CEACAM16: variants seen among roughly 807,000 people sequenced by gnomAD.
CEACAM16 encodes CEA cell adhesion molecule 16, tectorial membrane component.
CEACAM16 carries 30 observed loss-of-function variants against 39.4 expected under a neutral mutation model. The ratio of observed to expected loss-of-function variants is 0.76; its 90% CI spans 0.57 to 1.03. CEACAM16 has a LOEUF of 1.03. Ranked by LOEUF, CEACAM16 falls within the 50% of genes least tolerant of loss-of-function variation. The probability of loss-of-function intolerance (pLI) is 0.00; values close to 1 mark genes in which losing one functional copy is unlikely to be tolerated. For synonymous variants in CEACAM16, 262 were observed against 264.9 expected, an observed-to-expected ratio of 0.99 and a Z score of 0.11; for missense variants, 521 against 585.3, an observed-to-expected ratio of 0.89 and a Z score of 1.13.
Position 44,710,691 on chromosome 19 carries a change from C to T in CEACAM16, c.*185C>T, listed in dbSNP as rs1048958791. The T allele has an allele frequency of 1.4e-5, 10 of 719,186 alleles. No individual in the cohort carries two copies. Among genetic ancestry groups the T allele is most frequent in the South Asian group, 7.6e-5 (4 of 52,894 alleles). 44.6% of individuals were successfully genotyped at this position (719,186 alleles called of 1,614,324 possible). On this transcript the variant is annotated 3_prime_UTR_variant, in exon 7 of 7. Coordinates refer to ENST00000587331, the MANE Select transcript of CEACAM16 (RefSeq NM_001039213.4). ...CCTCGCTGAGCTGTTGGGGAGCCAC[C>T]GAGGCCATAAACGTCCTGGTTAATG...
At chr19:44,702,813 A>T (rs1238932361) in intron 2 of CEACAM16, among the ~76,000 whole-genome samples, 1 of 152,238 alleles carries the variant, frequency 6.6e-6, no homozygotes, top group East Asian at 1.9e-4. Context: ...GACTGTCACG[A>T]TGGGAAAACC....
At chr19:44,707,757 C>A in intron 5 of CEACAM16, 104 bp from the exon 6 acceptor site, 1 of 1,009,842 alleles carries the variant, frequency 9.9e-7, no homozygotes, top group Non-Finnish European at 1.4e-6. Flanking sequence ...CAGCACCCTA[C>A]ATGGGGAGTG....
At chr19:44,705,563 C>T (rs768905652) in intron 4 of CEACAM16, 27 bp from the exon 5 acceptor site, 2 of 1,568,440 alleles carry the variant, frequency 1.3e-6, no homozygotes, top group African/African-American at 1.3e-5. Context: ...CTCTACTGCC[C>T]CATCTATCTC....
chr19:44,701,502 G>T lies in CEACAM16; in HGVS notation c.37+9G>T, dbSNP rs1158779951. ...CTGGCTGCTCCTCAGTGGTGAGCGA[G>T]AATGGCACCCCCCAGCACCTCAGCC... On this transcript the variant is annotated intron_variant, in intron 2 of 6. Transcript: ENST00000587331. This position sits in a 1 kb window ranked among gnomAD's most constrained non-coding sequence, Gnocchi z 4.0. 1.3e-6 allele frequency: 2 copies of T among 1,562,770 alleles called. No homozygotes were observed. The highest frequency in any genetic ancestry group is 1.7e-6 in the Non-Finnish European group (2 of 1,153,050).
In CEACAM16 at chr19:44,701,074, C is replaced by T. The variant is rs1388315909; in HGVS notation, c.-96-287C>T. ...TTTCTTCCTTGGTGACTCCCAGGCTCTCTGAGGAGGCCACGGGCCTGGGTG... is the reference window on the plus strand; with the variant it reads ...TTTCTTCCTTGGTGACTCCCAGGCTTTCTGAGGAGGCCACGGGCCTGGGTG... On this transcript the variant is annotated intron_variant, in intron 1 of 6. Coordinates refer to ENST00000587331, the MANE Select transcript of CEACAM16 (RefSeq NM_001039213.4). This position sits in a 1 kb window ranked among gnomAD's most constrained non-coding sequence, Gnocchi z 4.0. Among the ~76,000 whole-genome samples the T allele has an allele frequency of 6.6e-6, 1 of 152,244 alleles. No homozygotes were observed. Among genetic ancestry groups the T allele is most frequent in the Non-Finnish European group, 1.5e-5 (1 of 68,048 alleles).
At chr19:44,709,851 A>T (rs1436374366) in intron 6 of CEACAM16, among the ~76,000 whole-genome samples, 5 of 132,080 alleles carry the variant, frequency 3.8e-5, no homozygotes, top group Non-Finnish European at 3.3e-5. Flanking sequence ...AGAGTCAGGG[A>T]CCATGTCTCC....
Position 44,701,591 on chromosome 19 carries a change from T to A in CEACAM16, c.37+98T>A. 8.3e-7 allele frequency: 1 copy of A among 1,210,050 alleles called. No homozygotes were observed. The highest frequency in any genetic ancestry group is 1.2e-6 in the Non-Finnish European group (1 of 847,398). The allele number at this position is 1,210,050 out of a possible 1,614,324, so 75.0% of individuals were successfully genotyped here. On this transcript the variant is annotated intron_variant, in intron 2 of 6. Transcript: ENST00000587331. This position sits in a 1 kb window ranked among gnomAD's most constrained non-coding sequence, Gnocchi z 4.0. Reference sequence around the variant, plus strand: ...GAGAGAGGGAAGGTGTGAGCAGAAGTCCAGCGTGCTAGGGAGGGAGGGCAG... The same window carrying A: ...GAGAGAGGGAAGGTGTGAGCAGAAGACCAGCGTGCTAGGGAGGGAGGGCAG...
chr19:44,702,217 C>T (rs1258722176), intron 2 of CEACAM16, among the ~76,000 whole-genome samples: 1 of 151,806 alleles, frequency 6.6e-6, no homozygotes, highest in East Asian at 1.9e-4. Flanking sequence ...CACTTGAATC[C>T]AGGAGGTGGA....
chr19:44,705,601 C>G lies in CEACAM16; in HGVS notation c.673C>G (p.Arg225Gly). The change falls in exon 5 of 7, where the codon CGT becomes GGT. Residue 225 changes from arginine to glycine, a missense_variant. Coordinates refer to ENST00000587331, the MANE Select transcript of CEACAM16 (RefSeq NM_001039213.4). ...INLTVYFGPE[R>G]VAILQDSTTR... ...TCCTGCCCCCACAGTTGGCCCAGAGCGTGTGGCCATCCTCCAGGATTCCAC... is the reference window on the plus strand; with the variant it reads ...TCCTGCCCCCACAGTTGGCCCAGAGGGTGTGGCCATCCTCCAGGATTCCAC... The G allele has an allele frequency of 6.2e-7, 1 of 1,602,320 alleles. No homozygotes were observed. Among genetic ancestry groups the G allele is most frequent in the Non-Finnish European group, 8.5e-7 (1 of 1,171,128 alleles).
chr19:44,701,530 C>G lies in CEACAM16; in HGVS notation c.37+37C>G. ...TGGCACCCCCCAGCACCTCAGCCCCCCGAGGACCCCAGGGAGGGGAGGGGA... is the reference window on the plus strand; with the variant it reads ...TGGCACCCCCCAGCACCTCAGCCCCGCGAGGACCCCAGGGAGGGGAGGGGA... On this transcript the variant is annotated intron_variant, in intron 2 of 6. Transcript: ENST00000587331. The surrounding 1 kb of genome is among the most constrained non-coding windows in gnomAD (Gnocchi z 4.0). 6.4e-7 allele frequency: 1 copy of G among 1,551,232 alleles called. No individual in the cohort carries two copies.
rs1244108244 is a variant in CEACAM16 at position 44,701,030 on chromosome 19, G to A, written c.-96-331G>A. 6.6e-6 allele frequency among the ~76,000 whole-genome samples: 1 copy of A among 152,208 alleles called. No homozygotes were observed. Among genetic ancestry groups the A allele is most frequent in the Admixed American group, 6.5e-5 (1 of 15,286 alleles). ...TGCACTGGGTGGGGCTGGGAAAGGT[G>A]CAGTCACCTTTTACTGATTTTCTTC... On this transcript the variant is annotated intron_variant, in intron 1 of 6. Coordinates refer to ENST00000587331, the MANE Select transcript of CEACAM16 (RefSeq NM_001039213.4). This position sits in a 1 kb window ranked among gnomAD's most constrained non-coding sequence, Gnocchi z 4.0.
intron 6 of CEACAM16, among the ~76,000 whole-genome samples, chr19:44,708,981 C>G (rs1017490913): frequency 1.3e-5 from 2 of 151,690 alleles, no homozygotes; most frequent in African/African-American, 4.8e-5. Context: ...ACCGTGTCTC[C>G]CCATCAACTG....
chr19:44,703,491 C>A lies in CEACAM16; in HGVS notation c.180C>A (p.Ser60Arg). ...AYSWYAGPTL[S>R]VSYLVASYIV... The stretch of plus-strand genomic sequence containing the variant: ...GCTGGTATGCGGGGCCCACACTCAG[C>A]GTGTCATACCTGGTGGCCAGCTACA... Residue 60 changes from serine to arginine, a missense_variant, in exon 3 of 7, where the codon AGC (serine) becomes AGA (arginine). By Grantham distance (110) the Ser-to-Arg change is moderately radical. Coordinates refer to ENST00000587331, the MANE Select transcript of CEACAM16 (RefSeq NM_001039213.4). 1 of 1,613,828 alleles carries A rather than the reference C, an allele frequency of 6.2e-7. No homozygotes were observed. Among genetic ancestry groups the A allele is most frequent in the South Asian group, 1.1e-5 (1 of 91,084 alleles).
chr19:44,700,429 C>T lies in CEACAM16; in HGVS notation c.-96-932C>T, dbSNP rs556271496. On this transcript the variant is annotated intron_variant, in intron 1 of 6. Coordinates refer to ENST00000587331, the MANE Select transcript of CEACAM16 (RefSeq NM_001039213.4). Reference sequence around the variant, plus strand: ...CTGGGACTACAGGCACCTGCCACCACGCCTGGCTATTTTTATTATTATTAT... The same window carrying T: ...CTGGGACTACAGGCACCTGCCACCATGCCTGGCTATTTTTATTATTATTAT... 4.6e-5 allele frequency among the ~76,000 whole-genome samples: 7 copies of T among 152,204 alleles called. No individual in the cohort carries two copies. In the East Asian group the frequency reaches 5.8e-4, roughly 13 times the overall value.
chr19:44,709,818 C>T (rs893652100), intron 6 of CEACAM16, among the ~76,000 whole-genome samples: 3 of 150,390 alleles, frequency 2.0e-5, no homozygotes, highest in African/African-American at 7.4e-5. Context: ...GAGCATGTCT[C>T]CTCCATCAGA....
chr19:44,699,551 AT>A (rs1974311489), intron 1 of CEACAM16: 1 of 389,526 alleles, frequency 2.6e-6, no homozygotes, highest in Non-Finnish European at 5.0e-6. Context: ...TAATTTTTGT[AT>A]TTTTAGTAGA....
At position 44,703,691 on chromosome 19, in the gene CEACAM16, A is replaced by G. The variant is rs894642167; in HGVS notation, c.380A>G (p.His127Arg). Reference sequence around the variant, plus strand: ...GTGGGCTACGGACACGTGCAGGTCCATGGTGAGACACCCCCCAACACCCGC... The same window carrying G: ...GTGGGCTACGGACACGTGCAGGTCCGTGGTGAGACACCCCCCAACACCCGC... ...TEVGYGHVQV[H>R]EILAQPTVLA... The change falls in exon 3 of 7, where the codon CAT becomes CGT. Residue 127 changes from histidine (H) to arginine (R), a missense_variant and splice_region_variant. Physicochemically the swap from His to Arg is conservative, Grantham distance 29 (BLOSUM62 0). Coordinates refer to ENST00000587331, the MANE Select transcript of CEACAM16 (RefSeq NM_001039213.4). The G allele has an allele frequency of 6.6e-7, 1 of 1,517,062 alleles. No individual in the cohort carries two copies. The highest frequency in any genetic ancestry group is 8.9e-7 in the Non-Finnish European group (1 of 1,124,810). 94.0% of individuals were successfully genotyped at this position (1,517,062 alleles called of 1,614,324 possible).
rs1974352558 is a variant in CEACAM16 at position 44,701,865 on chromosome 19, C to T, written c.37+372C>T. ...CGGAAGATGTAGCTTAGGGCAGTTGCCTTTCCCTTCTCAGCCTCTGTGTAC... is the reference window on the plus strand; with the variant it reads ...CGGAAGATGTAGCTTAGGGCAGTTGTCTTTCCCTTCTCAGCCTCTGTGTAC... On this transcript the variant is annotated intron_variant, in intron 2 of 6. Coordinates refer to ENST00000587331, the MANE Select transcript of CEACAM16 (RefSeq NM_001039213.4). This position sits in a 1 kb window ranked among gnomAD's most constrained non-coding sequence, Gnocchi z 4.0. 6.6e-6 allele frequency among the ~76,000 whole-genome samples: 1 copy of T among 152,294 alleles called. No homozygotes were observed. Among genetic ancestry groups the T allele is most frequent in the East Asian group, 1.9e-4 (1 of 5,180 alleles).
At chr19:44,709,951 C>T (rs753044832) in intron 6 of CEACAM16, among the ~76,000 whole-genome samples, 4 of 152,278 alleles carry the variant, frequency 2.6e-5, no homozygotes, top group Non-Finnish European at 5.9e-5. Flanking sequence ...TATCCTCCAT[C>T]TGACTGAGCA....
Sources: gnomAD v4.1 joint callset for allele counts (sites outside exome capture counted in the v4.1 genomes callset) on GRCh38, gnomAD v4.1.1 for gene constraint, Gnocchi (gnomAD v3.1) non-coding constraint, MANE v1.5 for transcripts, NCBI Gene and HGNC (gene_info 2026-07-23, HGNC 2026-07-21) for gene names.